The following DNAH9 variants were observed in gnomAD, a reference collection of about 807,000 sequenced individuals.
DNAH9 encodes the protein DNAH9 variant protein.
In DNAH9, 345 loss-of-function variants were observed where a neutral mutation model predicts 471.6. The ratio of observed to expected loss-of-function variants is 0.73; its 90% CI spans 0.67 to 0.80. The LOEUF is 0.80. DNAH9 is among the 30% of genes least tolerant of loss of function. The pLI, the probability that DNAH9 is intolerant of heterozygous loss-of-function variation, is 0.00. For missense variants in DNAH9, 5,407 were observed against 5,609.2 expected, an observed-to-expected ratio of 0.96 and a Z score of 1.15; for synonymous variants, 2,093 against 2,123.6, an observed-to-expected ratio of 0.99 and a Z score of 0.40.
At chr17:11,878,532 T>C (rs919690469) in intron 53 of DNAH9, among the ~76,000 whole-genome samples, 1 of 151,268 alleles carries the variant, frequency 6.6e-6, no homozygotes, top group Non-Finnish European at 1.5e-5. Context: ...CCTACATTTT[T>C]AGTTTTTAGT....
At chr17:11,674,064 G>A (rs751784734) in intron 17 of DNAH9, among the ~76,000 whole-genome samples, 41 of 152,038 alleles carry the variant, frequency 2.7e-4, no homozygotes, top group Non-Finnish European at 4.9e-4. Context: ...TTTCCCTGTC[G>A]TACAGTATTC....
At chr17:11,852,487 A>G (rs1330442428) in intron 49 of DNAH9, among the ~76,000 whole-genome samples, 6 of 152,020 alleles carry the variant, frequency 3.9e-5, no homozygotes, top group Admixed American at 3.3e-4. Context: ...GCTCTTGTCC[A>G]ATCCATGTCC....
At chr17:11,656,748 A>G (rs1423741141) in intron 14 of DNAH9, among the ~76,000 whole-genome samples, 1 of 152,112 alleles carries the variant, frequency 6.6e-6, no homozygotes, top group Non-Finnish European at 1.5e-5. Flanking sequence ...TTTCCAGTCA[A>G]TACATCCCCA....
chr17:11,820,258 C>T (rs1452801272), intron 45 of DNAH9, among the ~76,000 whole-genome samples: 1 of 151,942 alleles, frequency 6.6e-6, no homozygotes, highest in South Asian at 2.1e-4. Context: ...ACAGGGTTTA[C>T]ACTTGGTCAT....
At chr17:11,871,078 TG>T (rs1237603516) in intron 51 of DNAH9, among the ~76,000 whole-genome samples, 20 of 152,244 alleles carry the variant, frequency 1.3e-4, no homozygotes, top group Non-Finnish European at 2.2e-4. Flanking sequence ...CAAAGAGGGC[TG>T]GGGGGTCAGG....
At position 11,815,485 on chromosome 17, in the gene DNAH9, G is replaced by C. The variant is rs9891978; in HGVS notation, c.8707+5116G>C. Among the ~76,000 whole-genome samples the C allele has an allele frequency of 9.9e-3, 1,506 of 152,152 alleles. 20 individuals are homozygous for C. Among genetic ancestry groups the C allele is most frequent in the African/African-American group, 0.034 (1,391 of 41,510 alleles). On this transcript the variant is annotated intron_variant, in intron 45 of 68. Coordinates refer to ENST00000262442, the MANE Select transcript of DNAH9 (RefSeq NM_001372.4). ...CATTCTCCTCACTCCTTGCAAAAGG[G>C]TCTATCTCAACTATAATTCCTGGCC...
chr17:11,927,497 AT>A (rs1400179918), intron 62 of DNAH9, among the ~76,000 whole-genome samples: 4 of 152,194 alleles, frequency 2.6e-5, no homozygotes, highest in African/African-American at 9.7e-5. Flanking sequence ...TCCCAGCACC[AT>A]TTATTAAATA....
At chr17:11,678,961 G>A (rs190395469) in intron 17 of DNAH9, among the ~76,000 whole-genome samples, 14 of 151,986 alleles carry the variant, frequency 9.2e-5, no homozygotes, top group African/African-American at 2.2e-4. Context: ...ACTGCTCCAC[G>A]TATATCATAC....
chr17:11,748,374 C>G (rs978280244), intron 32 of DNAH9, among the ~76,000 whole-genome samples: 1 of 152,074 alleles, frequency 6.6e-6, no homozygotes, highest in Non-Finnish European at 1.5e-5. Context: ...CTGTAGTTCA[C>G]TGACTCTGGA....
At chr17:11,874,782 A>G in intron 52 of DNAH9, 167 bp from the exon 53 acceptor site, 1 of 601,982 alleles carries the variant, frequency 1.7e-6, no homozygotes, top group Non-Finnish European at 2.9e-6. Flanking sequence ...TCAGGACTTT[A>G]ATAGAACCTG....
chr17:11,824,367 G>T (rs898533639), intron 48 of DNAH9, among the ~76,000 whole-genome samples: 9 of 152,054 alleles, frequency 5.9e-5, no homozygotes, highest in African/African-American at 2.2e-4. Context: ...GTACCTAAAG[G>T]ATTTAAGTTC....
At chr17:11,902,269 G>C (rs1277465146) in intron 59 of DNAH9, among the ~76,000 whole-genome samples, 1 of 152,184 alleles carries the variant, frequency 6.6e-6, no homozygotes, top group Non-Finnish European at 1.5e-5. Context: ...CATTTTAAGA[G>C]TTGGCGTTAA....
At chr17:11,710,169 T>C (rs1390696488) in intron 26 of DNAH9, among the ~76,000 whole-genome samples, 1 of 152,182 alleles carries the variant, frequency 6.6e-6, no homozygotes, top group Non-Finnish European at 1.5e-5. Context: ...GCTTGTTTTA[T>C]TTAACATTAT....
At position 11,920,514 on chromosome 17, in the gene DNAH9, G is replaced by T. The variant is rs191573740; in HGVS notation, c.11750-3300G>T. On this transcript the variant is annotated intron_variant, in intron 61 of 68. Coordinates refer to ENST00000262442, the MANE Select transcript of DNAH9 (RefSeq NM_001372.4). ...CGTGTGCCTGTAGTCTCAGCTACTCGGGAGGCTGAGGCAGGAGAATTGCTT... is the reference window on the plus strand; with the variant it reads ...CGTGTGCCTGTAGTCTCAGCTACTCTGGAGGCTGAGGCAGGAGAATTGCTT... Among the ~76,000 whole-genome samples the T allele has an allele frequency of 3.5e-3, 528 of 151,412 alleles. 3 individuals are homozygous for T. Among genetic ancestry groups the T allele is most frequent in the African/African-American group, 0.012 (511 of 41,368 alleles).
intron 5 of DNAH9, among the ~76,000 whole-genome samples, chr17:11,618,443 G>A (rs1353603204): frequency 6.6e-6 from 1 of 152,058 alleles, no homozygotes; most frequent in African/African-American, 2.4e-5. Context: ...AAAATTAGCT[G>A]GGCGTGGTGG....
At chr17:11,878,155 G>A (rs894591365) in intron 53 of DNAH9, among the ~76,000 whole-genome samples, 6 of 152,206 alleles carry the variant, frequency 3.9e-5, no homozygotes, top group African/African-American at 1.4e-4. Context: ...ACAGGTGTAT[G>A]TTCTTTTTGC....
intron 50 of DNAH9, among the ~76,000 whole-genome samples, chr17:11,864,878 G>A (rs1300265799): frequency 1.3e-5 from 2 of 151,898 alleles, no homozygotes; most frequent in African/African-American, 4.8e-5. Context: ...TTGCTTGGTG[G>A]ATCTTCCTCC....
chr17:11,837,888 C>T (rs1028640686), intron 49 of DNAH9, among the ~76,000 whole-genome samples: 11 of 152,238 alleles, frequency 7.2e-5, no homozygotes, highest in African/African-American at 1.7e-4. Flanking sequence ...GACCTTTGAA[C>T]TAGTGCTTGC....
At chr17:11,817,064 A>AAT (rs1970124935) in intron 45 of DNAH9, among the ~76,000 whole-genome samples, 8 of 151,770 alleles carry the variant, frequency 5.3e-5, no homozygotes, top group African/African-American at 1.7e-4. Flanking sequence ...TCAAAAAAAA[A>AAT]AATAATAATA....
Sources: allele counts gnomAD v4.1 joint callset (sites outside exome capture counted in the v4.1 genomes callset), GRCh38; gene constraint gnomAD v4.1.1; transcripts MANE v1.5; gene names NCBI Gene and HGNC (gene_info 2026-07-23, HGNC 2026-07-21).